The following GPHN variants were observed in gnomAD, a reference collection of about 807,000 sequenced individuals.
The protein encoded by GPHN is gephyrin.
In GPHN, 17 loss-of-function variants were observed where a neutral mutation model predicts 95.5. The observed-to-expected ratio is 0.18, with a 90% confidence interval of 0.12 to 0.27. The LOEUF (loss-of-function observed/expected upper bound fraction) is 0.27, where lower values mean the gene tolerates loss of function less well. Among genes scored for constraint, GPHN ranks in the 10% least tolerant of loss-of-function variants. The pLI, the probability that GPHN is intolerant of heterozygous loss-of-function variation, is 1.00. For synonymous variants in GPHN, 320 were observed against 322.5 expected, an observed-to-expected ratio of 0.99 and a Z score of 0.08; for missense variants, 660 against 978.1, an observed-to-expected ratio of 0.67 and a Z score of 4.34.
Position 67,181,680 on chromosome 14 carries a change from C to T in GPHN, c.*743C>T, listed in dbSNP as rs555678551. ...TGATCTTGTACAGATATTAGTGTTA[C>T]CAGCATTCATGTGGAAATCAAGAGC... On this transcript the variant is annotated 3_prime_UTR_variant, in exon 23 of 23. Coordinates refer to ENST00000478722, the MANE Select transcript of GPHN (RefSeq NM_020806.5). 1.4e-4 allele frequency: 30 copies of T among 218,570 alleles called. No homozygotes were observed. Among genetic ancestry groups the T allele is most frequent in the African/African-American group, 6.2e-4 (27 of 43,556 alleles). The allele number at this position is 218,570 out of a possible 1,614,324, so 13.5% of individuals were successfully genotyped here.
At chr14:66,617,371 C>T (rs756504926) in intron 1 of GPHN, among the ~76,000 whole-genome samples, 4 of 151,908 alleles carry the variant, frequency 2.6e-5, no homozygotes, top group Non-Finnish European at 5.9e-5. Context: ...TCTTCTGATC[C>T]ATGGGTTGCG....
Position 66,515,409 on chromosome 14 carries a change from T to C in GPHN, c.64+6818T>C, listed in dbSNP as rs141663262. ...GAAGTTGATTAGTTTTTAAAAGGTA[T>C]GTTTTTCTGGTAATAGGATGATATT... On this transcript the variant is annotated intron_variant, in intron 1 of 22. Coordinates refer to ENST00000478722, the MANE Select transcript of GPHN (RefSeq NM_020806.5). 9.4e-3 allele frequency among the ~76,000 whole-genome samples: 1,436 copies of C among 152,286 alleles called. 31 individuals are homozygous for C. The highest frequency in any genetic ancestry group is 0.034 in the African/African-American group (1,397 of 41,546).
intron 3 of GPHN, among the ~76,000 whole-genome samples, chr14:66,817,113 C>T (rs2061001328): frequency 6.6e-6 from 1 of 152,028 alleles, no homozygotes; most frequent in Non-Finnish European, 1.5e-5. Flanking sequence ...CCATAATATA[C>T]TGATCTATTA....
chr14:67,541,770 T>C, the GPHN span: 1 of 1,155,884 alleles, frequency 8.7e-7, no homozygotes, highest in South Asian at 1.7e-5. Flanking sequence ...TCCCGTTCTT[T>C]CCCCACAGAA....
the GPHN span, among the ~76,000 whole-genome samples, chr14:67,377,970 A>G: frequency 6.6e-6 from 1 of 151,740 alleles, no homozygotes; most frequent in African/African-American, 2.4e-5. Context: ...AAAAGTAGCC[A>G]GGTGTGGTAG....
the GPHN span, among the ~76,000 whole-genome samples, chr14:67,289,795 C>T: frequency 7.7e-5 from 7 of 90,682 alleles, no homozygotes; most frequent in African/African-American, 3.9e-4. Flanking sequence ...TTTTTTGAGA[C>T]GGAGTCTCTC....
chr14:66,690,063 AT>A (rs1180533269), intron 2 of GPHN, among the ~76,000 whole-genome samples: 1 of 150,678 alleles, frequency 6.6e-6, no homozygotes, highest in South Asian at 2.1e-4. Flanking sequence ...CAGCTTGGAT[AT>A]TTTTTATTTT....
intron 9 of GPHN, among the ~76,000 whole-genome samples, chr14:66,981,947 AAC>A (rs1411386080): frequency 6.6e-6 from 1 of 152,212 alleles, no homozygotes; most frequent in African/African-American, 2.4e-5. Flanking sequence ...CAGTAAAAGA[AAC>A]ACACAAAATA....
chr14:66,585,282 C>T (rs1386650969), intron 1 of GPHN, among the ~76,000 whole-genome samples: 1 of 151,998 alleles, frequency 6.6e-6, no homozygotes, highest in Non-Finnish European at 1.5e-5. Context: ...TCTCTCTTTT[C>T]TTCTTTATTA....
At chr14:66,878,147 G>A (rs2063754901) in intron 4 of GPHN, among the ~76,000 whole-genome samples, 1 of 152,084 alleles carries the variant, frequency 6.6e-6, no homozygotes, top group African/African-American at 2.4e-5. Context: ...TTTAATAAAT[G>A]GTATTGGGAA....
rs575137352 is a variant in GPHN, at chr14:66,765,919, TTAAA to T, written c.144-10542_144-10539del. Among the ~76,000 whole-genome samples the T allele has an allele frequency of 2.3e-3, 354 of 152,328 alleles. 1 individual carries two copies. The highest frequency in any genetic ancestry group is 4.0e-3 in the Non-Finnish European group (270 of 68,024). Reference sequence around the variant, plus strand: ...TCAATCTTTCTTATTCAGGAATTGATTAAATAGAGACTCCAGTTCCACCTGTGGT... The same window carrying T: ...TCAATCTTTCTTATTCAGGAATTGATTAGAGACTCCAGTTCCACCTGTGGT... On this transcript the variant is annotated intron_variant, in intron 2 of 22. Transcript: ENST00000478722.
chr14:67,368,639 AATAG>A, the GPHN span, among the ~76,000 whole-genome samples: 1 of 151,808 alleles, frequency 6.6e-6, no homozygotes, highest in South Asian at 2.1e-4. Context: ...GTGTGGGGTA[AATAG>A]ATCTATATGA....
the GPHN span, among the ~76,000 whole-genome samples, chr14:67,214,759 T>C: frequency 6.6e-6 from 1 of 152,196 alleles, no homozygotes; most frequent in Non-Finnish European, 1.5e-5. Flanking sequence ...CCTTGGGCAG[T>C]GTGGCCATTT....
At chr14:67,708,505 G>T in the GPHN span, among the ~76,000 whole-genome samples, 2 of 152,116 alleles carry the variant, frequency 1.3e-5, no homozygotes, top group East Asian at 3.9e-4. Flanking sequence ...GATGATGAAA[G>T]GTTTTAGGGC....
chr14:67,229,133 G>A, the GPHN span, among the ~76,000 whole-genome samples: 1 of 152,212 alleles, frequency 6.6e-6, no homozygotes, highest in South Asian at 2.1e-4. Flanking sequence ...ACTTGTCCAA[G>A]TCACACAGCT....
intron 20 of GPHN, among the ~76,000 whole-genome samples, chr14:67,166,272 C>T (rs539969187): frequency 1.3e-5 from 2 of 152,260 alleles, no homozygotes; most frequent in East Asian, 3.9e-4. Flanking sequence ...TAACATGAAA[C>T]GCCTTAGGAC....
chr14:66,633,975 ATC>A (rs2063965313), intron 1 of GPHN, among the ~76,000 whole-genome samples: 1 of 148,704 alleles, frequency 6.7e-6, no homozygotes, highest in East Asian at 2.0e-4. Context: ...AATAATATCT[ATC>A]TCTGTTTAAT....
the GPHN span, among the ~76,000 whole-genome samples, chr14:67,484,273 C>A: frequency 1.3e-5 from 2 of 152,292 alleles, no homozygotes; most frequent in Admixed American, 1.3e-4. Flanking sequence ...TAGAGTGGTG[C>A]CTGGCAATAA....
the GPHN span, among the ~76,000 whole-genome samples, chr14:67,541,273 T>A: frequency 6.6e-6 from 1 of 152,240 alleles, no homozygotes; most frequent in African/African-American, 2.4e-5. Flanking sequence ...TAATTAGCTA[T>A]GTGACCTTGG....
Sources: allele counts gnomAD v4.1 joint callset (sites outside exome capture counted in the v4.1 genomes callset), GRCh38; gene constraint gnomAD v4.1.1; transcripts MANE v1.5; gene names NCBI Gene and HGNC (gene_info 2026-07-23, HGNC 2026-07-21).